Variants in MTUS2 observed in about 807,000 individuals in gnomAD.
MTUS2 encodes the protein microtubule-associated tumor suppressor candidate 2.
Under a neutral mutation model 114.1 loss-of-function variants are expected in MTUS2, and 40 were observed. That is an observed-to-expected ratio of 0.35 (90% CI 0.27 to 0.46). The LOEUF (loss-of-function observed/expected upper bound fraction) is 0.46, where lower values mean the gene tolerates loss of function less well. Ranked by LOEUF, MTUS2 falls within the 20% of genes least tolerant of loss-of-function variation. MTUS2 has a pLI of 1.00. For synonymous variants in MTUS2, 688 were observed against 672.0 expected (o/e 1.02, Z -0.37); for missense variants, 1,679 against 1,705.4 (o/e 0.98, Z 0.27).
At chr13:29,230,024 A>T (rs1593195267) in intron 5 of MTUS2, among the ~76,000 whole-genome samples, 1 of 152,210 alleles carries the variant, frequency 6.6e-6, no homozygotes, top group African/African-American at 2.4e-5. Flanking sequence ...AGGCAGGCGG[A>T]TCACGAGGTC....
chr13:28,894,293 A>G (rs1453769300), intron 2 of MTUS2, among the ~76,000 whole-genome samples: 37 of 4,548 alleles, frequency 8.1e-3, no homozygotes, highest in African/African-American at 0.026. Context: ...GGGGGGGGAG[A>G]GAGAGAGAGA....
intron 4 of MTUS2, among the ~76,000 whole-genome samples, chr13:29,059,228 A>G (rs200177128): frequency 1.0e-5 from 1 of 97,128 alleles, no homozygotes; most frequent in Non-Finnish European, 1.9e-5. Flanking sequence ...TATTCTTTGG[A>G]TTTTTTTTTT....
chr13:29,502,893 G>A (rs1212581293), intron 15 of MTUS2, 100 bp from the exon 16 acceptor site: 1 of 1,203,404 alleles, frequency 8.3e-7, no homozygotes, highest in Non-Finnish European at 1.2e-6. Flanking sequence ...TCTCCCTGCG[G>A]TCATCATGGC....
At chr13:28,851,821 G>GCA (rs33923383) in intron 2 of MTUS2, among the ~76,000 whole-genome samples, 158 of 10,418 alleles carry the variant, frequency 0.015, 1 homozygote, top group Admixed American at 0.034. Flanking sequence ...GCAGGACTTA[G>GCA]CGCCCAGCTT....
At chr13:29,047,524 T>G (rs1887681634) in intron 4 of MTUS2, among the ~76,000 whole-genome samples, 1 of 151,664 alleles carries the variant, frequency 6.6e-6, no homozygotes, top group African/African-American at 2.4e-5. Context: ...TTTTTTTTTT[T>G]TTTTTCTGAG....
intron 2 of MTUS2, among the ~76,000 whole-genome samples, chr13:28,938,112 C>T (rs536114404): frequency 5.2e-4 from 79 of 152,118 alleles, no homozygotes; most frequent in Non-Finnish European, 1.0e-3. Context: ...TGGCCGGGTG[C>T]GGTGGCTCAC....
chr13:29,074,016 C>T (rs975784935), intron 4 of MTUS2, among the ~76,000 whole-genome samples: 1 of 152,152 alleles, frequency 6.6e-6, no homozygotes, highest in African/African-American at 2.4e-5. Flanking sequence ...CTCAGAACAC[C>T]AGGATTTCTC....
chr13:28,995,347 T>C (rs1468558022), intron 2 of MTUS2, among the ~76,000 whole-genome samples: 1 of 152,212 alleles, frequency 6.6e-6, no homozygotes, highest in Non-Finnish European at 1.5e-5. Flanking sequence ...GCCTCCAGCT[T>C]TGTTCTTTTG....
chr13:28,930,941 T>C (rs1379335307), intron 2 of MTUS2, among the ~76,000 whole-genome samples: 1 of 152,204 alleles, frequency 6.6e-6, no homozygotes, highest in African/African-American at 2.4e-5. Flanking sequence ...CTTTTATAGC[T>C]GTTTGTTTTA....
At chr13:29,145,745 A>C (rs1477355882) in intron 5 of MTUS2, among the ~76,000 whole-genome samples, 1 of 152,084 alleles carries the variant, frequency 6.6e-6, no homozygotes, top group East Asian at 1.9e-4. Flanking sequence ...ATATGTTTTC[A>C]AAGCATTCCA....
chr13:29,258,831 G>A (rs1273340668), intron 5 of MTUS2, among the ~76,000 whole-genome samples: 1 of 152,106 alleles, frequency 6.6e-6, no homozygotes, highest in South Asian at 2.1e-4. Flanking sequence ...CACTGTTCAG[G>A]GTGGGAAACA....
intron 2 of MTUS2, among the ~76,000 whole-genome samples, chr13:29,003,037 A>G (rs2138390111): frequency 6.6e-6 from 1 of 152,328 alleles, no homozygotes; most frequent in African/African-American, 2.4e-5. Context: ...ATAAACAACT[A>G]AAAGTACAGT....
chr13:28,845,381 A>G (rs912623891), intron 2 of MTUS2, among the ~76,000 whole-genome samples: 1 of 152,242 alleles, frequency 6.6e-6, no homozygotes, highest in African/African-American at 2.4e-5. Flanking sequence ...CCTAACATGC[A>G]TTGGACACTA....
intron 8 of MTUS2, among the ~76,000 whole-genome samples, chr13:29,409,379 T>A (rs1169501904): frequency 6.6e-6 from 1 of 152,218 alleles, no homozygotes; most frequent in African/African-American, 2.4e-5. Context: ...TAGCCTTATA[T>A]GCTATATAGT....
rs186332461 is a variant in MTUS2, at chr13:29,407,625, C to T, written c.3118-32358C>T. Among the ~76,000 whole-genome samples, 753 of 151,888 alleles carry T rather than the reference C, an allele frequency of 5.0e-3. 6 individuals are homozygous for T. The highest frequency in any genetic ancestry group is 0.017 in the African/African-American group (719 of 41,416). On this transcript the variant is annotated intron_variant, in intron 8 of 15. Coordinates refer to ENST00000612955, the MANE Select transcript of MTUS2 (RefSeq NM_001033602.4). ...CCTGGGTAGCTGGGATAACAGGCAC[C>T]CGCCACCACACCCAGCTAACTTTTT...
At chr13:29,290,562 C>T (rs1050971517) in intron 6 of MTUS2, among the ~76,000 whole-genome samples, 3 of 152,062 alleles carry the variant, frequency 2.0e-5, no homozygotes, top group Non-Finnish European at 4.4e-5. Flanking sequence ...GATCTCCTGA[C>T]CTCGTGATCC....
chr13:29,440,935 T>G (rs1877795902), intron 9 of MTUS2, among the ~76,000 whole-genome samples: 1 of 152,158 alleles, frequency 6.6e-6, no homozygotes. Context: ...GACAGAATAG[T>G]GAGATCCAAG....
chr13:28,953,333 ACCC>A (rs1478755103), intron 2 of MTUS2, among the ~76,000 whole-genome samples: 1 of 151,638 alleles, frequency 6.6e-6, no homozygotes, highest in Non-Finnish European at 1.5e-5. Context: ...ACATGGTAAA[ACCC>A]CATCTCTACT....
In MTUS2 at chr13:28,915,758, A is replaced by G. The variant is rs77687454; in HGVS notation, c.-243+75908A>G. 4.6e-3 allele frequency among the ~76,000 whole-genome samples: 689 copies of G among 151,244 alleles called. 4 individuals are homozygous for G. Among genetic ancestry groups the G allele is most frequent in the African/African-American group, 0.016 (659 of 41,284 alleles). On this transcript the variant is annotated intron_variant, in intron 2 of 15. Transcript: ENST00000612955. ...CTCCGATTTTGTGGGTTCTCTCTTCATTTTGTTGTGTTTTGTTTGCTGTAC... is the reference window on the plus strand; with the variant it reads ...CTCCGATTTTGTGGGTTCTCTCTTCGTTTTGTTGTGTTTTGTTTGCTGTAC...
Sources: gnomAD v4.1 joint callset for allele counts (sites outside exome capture counted in the v4.1 genomes callset) on GRCh38, gnomAD v4.1.1 for gene constraint, MANE v1.5 for transcripts, NCBI Gene and HGNC (gene_info 2026-07-23, HGNC 2026-07-21) for gene names.